Variants in PXDNL observed in about 807,000 individuals in gnomAD.
The protein encoded by PXDNL is peroxidasin like, also known as probable oxidoreductase PXDNL.
PXDNL carries 145 observed loss-of-function variants against 150.8 expected under a neutral mutation model. The observed-to-expected ratio is 0.96, with a 90% CI of 0.84 to 1.10. PXDNL has a LOEUF of 1.10. PXDNL is among the 50% of genes least tolerant of loss of function. The probability of loss-of-function intolerance (pLI) is 0.00; values close to 1 mark genes in which losing one functional copy is unlikely to be tolerated. For missense variants in PXDNL, 2,087 were observed against 1,873.9 expected (o/e 1.11, Z -2.10); for synonymous variants, 757 against 725.7 (o/e 1.04, Z -0.69).
intron 2 of PXDNL, among the ~76,000 whole-genome samples, chr8:51,647,579 A>C (rs1239169046): frequency 6.6e-6 from 1 of 152,220 alleles, no homozygotes; most frequent in Non-Finnish European, 1.5e-5. Flanking sequence ...AAATTTCCCC[A>C]AATCACAAAG....
intron 3 of PXDNL, among the ~76,000 whole-genome samples, chr8:51,577,244 T>C (rs1813075652): frequency 6.6e-6 from 1 of 151,616 alleles, no homozygotes; most frequent in Non-Finnish European, 1.5e-5. Context: ...ACACAAATTG[T>C]CAAGAAAATA....
At chr8:51,753,934 C>T (rs780402691) in intron 1 of PXDNL, among the ~76,000 whole-genome samples, 1 of 152,162 alleles carries the variant, frequency 6.6e-6, no homozygotes, top group Non-Finnish European at 1.5e-5. Context: ...TAACCTCAAC[C>T]GATTAATATG....
chr8:51,699,762 C>T (rs1816212642), intron 1 of PXDNL, among the ~76,000 whole-genome samples: 1 of 152,008 alleles, frequency 6.6e-6, no homozygotes, highest in South Asian at 2.1e-4. Flanking sequence ...TATTAATTGG[C>T]CTAATTTCAA....
intron 5 of PXDNL, among the ~76,000 whole-genome samples, chr8:51,497,910 ACCCAGC>A (rs924638973): frequency 2.0e-5 from 3 of 152,152 alleles, no homozygotes; most frequent in African/African-American, 7.2e-5. Context: ...ATATCATTTG[ACCCAGC>A]CATCCCATTA....
At chr8:51,329,463 C>T (rs1053505360) in intron 21 of PXDNL, among the ~76,000 whole-genome samples, 15 of 152,124 alleles carry the variant, frequency 9.9e-5, no homozygotes, top group Non-Finnish European at 2.1e-4. Context: ...TTACCCAAGA[C>T]ATCATGTATG....
intron 16 of PXDNL, 101 bp downstream of exon 16, chr8:51,411,149 C>T: frequency 1.0e-6 from 1 of 999,852 alleles, no homozygotes; most frequent in Non-Finnish European, 1.3e-6. Context: ...TTTCTAAATC[C>T]CATGATATTC....
At chr8:51,388,822 A>G (rs529583118) in intron 17 of PXDNL, among the ~76,000 whole-genome samples, 4 of 152,156 alleles carry the variant, frequency 2.6e-5, no homozygotes, top group African/African-American at 9.6e-5. Flanking sequence ...CTATTTTTTT[A>G]ATTCAGCTAT....
intron 8 of PXDNL, among the ~76,000 whole-genome samples, chr8:51,460,672 T>G (rs1810056351): frequency 6.6e-6 from 1 of 151,594 alleles, no homozygotes; most frequent in Non-Finnish European, 1.5e-5. Context: ...TGAAGGAAAC[T>G]GCAGGGCACC....
At chr8:51,359,389 T>G (rs150740631) in intron 19 of PXDNL, among the ~76,000 whole-genome samples, 266 of 152,200 alleles carry the variant, frequency 1.7e-3, no homozygotes, top group African/African-American at 6.2e-3. Flanking sequence ...AATAGATAAA[T>G]TTAAAAGGAG....
intron 1 of PXDNL, among the ~76,000 whole-genome samples, chr8:51,735,115 A>G (rs1817005867): frequency 6.6e-6 from 1 of 152,248 alleles, no homozygotes; most frequent in South Asian, 2.1e-4. Flanking sequence ...TAGTCATTCT[A>G]CAATGTAAAC....
rs149682238 is a variant in PXDNL at position 51,355,769 on chromosome 8, G to A, written c.3902-9822C>T. 5.5e-4 allele frequency among the ~76,000 whole-genome samples: 83 copies of A among 152,276 alleles called. 3 individuals are homozygous for A. In the East Asian group the frequency reaches 0.015, roughly 28 times the overall value. ...AAGAACTTGTGAATATTATTTAATT[G>A]CATCTGTAATGCCTACAGTATTATG... On this transcript the variant is annotated intron_variant, in intron 19 of 22. Coordinates refer to ENST00000356297, the MANE Select transcript of PXDNL (RefSeq NM_144651.5).
intron 21 of PXDNL, among the ~76,000 whole-genome samples, chr8:51,328,153 C>T (rs976142782): frequency 1.1e-4 from 16 of 152,208 alleles, no homozygotes; most frequent in African/African-American, 3.9e-4. Flanking sequence ...CAGCAGATGG[C>T]CTTCCACTTC....
chr8:51,407,977 G>C (rs894471176), intron 17 of PXDNL, 90 bp downstream of exon 17: 22 of 1,176,360 alleles, frequency 1.9e-5, no homozygotes, highest in Middle Eastern at 5.8e-4. Flanking sequence ...AGCACCCCCA[G>C]GGAACCAAAT....
intron 3 of PXDNL, among the ~76,000 whole-genome samples, chr8:51,568,218 T>C (rs1362660367): frequency 6.6e-6 from 1 of 151,798 alleles, no homozygotes; most frequent in Non-Finnish European, 1.5e-5. Context: ...TCCACCTTCC[T>C]TTGTATAAGT....
intron 18 of PXDNL, among the ~76,000 whole-genome samples, chr8:51,372,539 C>T (rs1358185215): frequency 6.6e-6 from 1 of 152,152 alleles, no homozygotes; most frequent in Non-Finnish European, 1.5e-5. Context: ...CTCCTGTCAC[C>T]ATGCCTGCCT....
chr8:51,485,912 A>G (rs1328958714), intron 5 of PXDNL, among the ~76,000 whole-genome samples: 1 of 152,238 alleles, frequency 6.6e-6, no homozygotes. Context: ...CCTTATCTTA[A>G]GGAACACTGG....
intron 12 of PXDNL, among the ~76,000 whole-genome samples, chr8:51,436,689 C>G (rs1809415128): frequency 6.6e-6 from 1 of 152,118 alleles, no homozygotes; most frequent in South Asian, 2.1e-4. Context: ...ATTAAAACCT[C>G]TGGGATAAAG....
At chr8:51,340,775 C>G (rs755907597) in intron 20 of PXDNL, among the ~76,000 whole-genome samples, 62 of 152,170 alleles carry the variant, frequency 4.1e-4, no homozygotes, top group Admixed American at 1.1e-3. Context: ...CTAGAGGCAC[C>G]ATGAATCAGT....
chr8:51,319,643 A>T lies in PXDNL; in HGVS notation c.*248T>A. 3.9e-6 allele frequency: 1 copy of T among 254,154 alleles called. No individual in the cohort carries two copies. The highest frequency in any genetic ancestry group is 7.4e-6 in the Non-Finnish European group (1 of 135,352). The allele number at this position is 254,154 out of a possible 1,614,324, so 15.7% of individuals were successfully genotyped here. A position where few individuals can be genotyped will look rare whatever the true frequency, so the allele number is the denominator to read the frequency against. ...GTGGCATATAAAACTGACAGCTTACAGTAAGAAATATTTCTTATGATCAAA... is the reference window on the plus strand; with the variant it reads ...GTGGCATATAAAACTGACAGCTTACTGTAAGAAATATTTCTTATGATCAAA... On this transcript the variant is annotated 3_prime_UTR_variant, in exon 23 of 23. Transcript: ENST00000356297.
Sources: gnomAD v4.1 joint callset for allele counts (sites outside exome capture counted in the v4.1 genomes callset) on GRCh38, gnomAD v4.1.1 for gene constraint, MANE v1.5 for transcripts, NCBI Gene and HGNC (gene_info 2026-07-23, HGNC 2026-07-21) for gene names.